The following CDH13 variants were observed in gnomAD, a reference collection of about 807,000 sequenced individuals.
The protein encoded by CDH13 is cadherin 13.
In CDH13, 24 loss-of-function variants were observed where a neutral mutation model predicts 63.8. The ratio of observed to expected loss-of-function variants is 0.38; its 90% CI spans 0.27 to 0.53. The LOEUF (loss-of-function observed/expected upper bound fraction) is 0.53. Ranked by LOEUF, CDH13 falls within the 20% of genes least tolerant of loss-of-function variation. CDH13 has a pLI of 0.85. For synonymous variants in CDH13, 503 were observed against 355.3 expected (o/e 1.42, Z -4.67); for missense variants, 1,049 against 903.1 (o/e 1.16, Z -2.07).
chr16:82,652,045 C>T (rs892444856), intron 1 of CDH13, among the ~76,000 whole-genome samples: 4 of 152,204 alleles, frequency 2.6e-5, no homozygotes, highest in African/African-American at 9.7e-5. Flanking sequence ...ACAACTTGCT[C>T]GGCCAACCTA....
chr16:83,630,244 G>A (rs1910658238), intron 8 of CDH13, among the ~76,000 whole-genome samples: 1 of 152,266 alleles, frequency 6.6e-6, no homozygotes, highest in East Asian at 1.9e-4. Flanking sequence ...TGTAATAAAG[G>A]TTAAATAAAG....
intron 7 of CDH13, among the ~76,000 whole-genome samples, chr16:83,525,277 G>A (rs568257509): frequency 7.1e-4 from 108 of 152,314 alleles, no homozygotes; most frequent in African/African-American, 2.4e-3. Context: ...CATTTACTGA[G>A]CACTTTGTCT....
chr16:82,754,778 CA>C (rs1251901733), intron 1 of CDH13, among the ~76,000 whole-genome samples: 2 of 152,106 alleles, frequency 1.3e-5, no homozygotes. Flanking sequence ...CTCTAAAAGC[CA>C]ACTCATTTCA....
At chr16:82,663,198 T>G (rs996805893) in intron 1 of CDH13, among the ~76,000 whole-genome samples, 3 of 152,164 alleles carry the variant, frequency 2.0e-5, no homozygotes, top group Non-Finnish European at 2.9e-5. Context: ...TTTGTTTGTT[T>G]GTTTTGAGAG....
chr16:83,173,482 G>T (rs934861575), intron 4 of CDH13, among the ~76,000 whole-genome samples: 1 of 151,964 alleles, frequency 6.6e-6, no homozygotes, highest in African/African-American at 2.4e-5. Context: ...TCTTGGGACT[G>T]GTGTTTCTTG....
intron 1 of CDH13, among the ~76,000 whole-genome samples, chr16:82,819,485 C>T (rs918089188): frequency 6.6e-6 from 1 of 152,170 alleles, no homozygotes; most frequent in South Asian, 2.1e-4. Flanking sequence ...TCCTCCAGCT[C>T]TTTTGTCCCA....
intron 1 of CDH13, among the ~76,000 whole-genome samples, chr16:82,737,218 C>G (rs2033717198): frequency 6.6e-6 from 1 of 152,220 alleles, no homozygotes; most frequent in Non-Finnish European, 1.5e-5. Flanking sequence ...CTCATTCTGA[C>G]TAATTTTATT....
At position 82,746,519 on chromosome 16, in the gene CDH13, A is replaced by G. The variant is rs2034181755; in HGVS notation, c.46-111843A>G. On this transcript the variant is annotated intron_variant, in intron 1 of 13. Transcript: ENST00000567109. ...TAATCTAAGACTTTTTTCATTTTTA[A>G]AAATCGGGTTATTACTTTAGCAGAA... Among the ~76,000 whole-genome samples the G allele has an allele frequency of 2.0e-5, 3 of 152,076 alleles. No individual in the cohort carries two copies. In the South Asian group the frequency reaches 6.2e-4, roughly 32 times the overall value.
intron 4 of CDH13, among the ~76,000 whole-genome samples, chr16:83,128,226 G>C (rs769173000): frequency 7.9e-5 from 12 of 152,134 alleles, no homozygotes; most frequent in Non-Finnish European, 1.6e-4. Flanking sequence ...TAAAATATCC[G>C]AGGTGATTCA....
At chr16:83,026,905 A>G (rs1204990801) in intron 2 of CDH13, among the ~76,000 whole-genome samples, 2 of 152,192 alleles carry the variant, frequency 1.3e-5, no homozygotes, top group African/African-American at 4.8e-5. Context: ...GAGCTAGGTC[A>G]GAGCTAAGCA....
At chr16:83,712,249 G>A (rs1598549922) in intron 10 of CDH13, among the ~76,000 whole-genome samples, 1 of 152,284 alleles carries the variant, frequency 6.6e-6, no homozygotes, top group East Asian at 1.9e-4. Context: ...TTTTAAAAGG[G>A]CCTTGAATGG....
chr16:82,710,545 AAAAAAAAAT>A (rs1208709004), intron 1 of CDH13, among the ~76,000 whole-genome samples: 7 of 107,010 alleles, frequency 6.5e-5, no homozygotes, highest in African/African-American at 1.1e-4. Context: ...AAAAAAAAAA[AAAAAAAAAT>A]ATATATATAT....
chr16:82,752,767 T>A (rs2034468432), intron 1 of CDH13, among the ~76,000 whole-genome samples: 1 of 152,310 alleles, frequency 6.6e-6, no homozygotes, highest in African/African-American at 2.4e-5. Flanking sequence ...AAGCCCTGAT[T>A]TGTGGCCTTT....
chr16:83,643,333 A>T (rs1567474601), intron 8 of CDH13, among the ~76,000 whole-genome samples: 1 of 151,206 alleles, frequency 6.6e-6, no homozygotes, highest in Non-Finnish European at 1.5e-5. Context: ...CTCTCCACAC[A>T]CCTGAGAGAG....
intron 8 of CDH13, among the ~76,000 whole-genome samples, chr16:83,612,481 C>T (rs62040199): frequency 2.0e-5 from 3 of 151,486 alleles, no homozygotes; most frequent in African/African-American, 7.3e-5. Flanking sequence ...GTTATTGTTA[C>T]TGGAATTATT....
intron 10 of CDH13, among the ~76,000 whole-genome samples, chr16:83,737,013 G>T (rs1911601752): frequency 6.6e-6 from 1 of 152,134 alleles, no homozygotes; most frequent in South Asian, 2.1e-4. Context: ...TGCACGTGGG[G>T]CTCACACACA....
At chr16:82,946,554 C>A (rs1226223736) in intron 2 of CDH13, among the ~76,000 whole-genome samples, 1 of 151,998 alleles carries the variant, frequency 6.6e-6, no homozygotes, top group Non-Finnish European at 1.5e-5. Flanking sequence ...AACCTCATCT[C>A]TACTAAAAGT....
chr16:83,542,520 A>C (rs2075313074), intron 7 of CDH13, among the ~76,000 whole-genome samples: 2 of 152,344 alleles, frequency 1.3e-5, no homozygotes, highest in African/African-American at 4.8e-5. Flanking sequence ...CTGTGGTAAC[A>C]AAGCATCATA....
At chr16:82,715,942 C>T (rs1189401255) in intron 1 of CDH13, among the ~76,000 whole-genome samples, 3 of 152,168 alleles carry the variant, frequency 2.0e-5, no homozygotes, top group Non-Finnish European at 4.4e-5. Context: ...CTTTTATGAG[C>T]TCTTTGGTAG....
Sources: gnomAD v4.1 joint callset for allele counts (sites outside exome capture counted in the v4.1 genomes callset) on GRCh38, gnomAD v4.1.1 for gene constraint, MANE v1.5 for transcripts, NCBI Gene and HGNC (gene_info 2026-07-23, HGNC 2026-07-21) for gene names.